The following MAST4 variants were observed in gnomAD, a reference collection of about 807,000 sequenced individuals.
MAST4 encodes the protein microtubule associated serine/threonine kinase family member 4, also known as microtubule-associated serine/threonine-protein kinase 4.
MAST4 carries 89 observed loss-of-function variants against 162.7 expected under a neutral mutation model. The observed-to-expected ratio is 0.55, with a 90% CI of 0.46 to 0.65. The LOEUF is 0.65. Ranked by LOEUF, MAST4 falls within the 30% of genes least tolerant of loss-of-function variation. The probability of loss-of-function intolerance (pLI) is 0.00; values close to 1 mark genes in which losing one functional copy is unlikely to be tolerated. For synonymous variants in MAST4, 1,479 were observed against 1,361.1 expected, an observed-to-expected ratio of 1.09 and a Z score of -1.91; for missense variants, 3,153 against 3,374.0, an observed-to-expected ratio of 0.93 and a Z score of 1.62.
chr5:66,918,094 T>C (rs1764237897), intron 4 of MAST4, among the ~76,000 whole-genome samples: 1 of 152,162 alleles, frequency 6.6e-6, no homozygotes, highest in Admixed American at 6.5e-5. Context: ...TTAAAAGTGA[T>C]TTACTTTATC....
intron 4 of MAST4, among the ~76,000 whole-genome samples, chr5:66,942,194 A>C (rs912096274): frequency 6.6e-6 from 1 of 152,152 alleles, no homozygotes; most frequent in East Asian, 1.9e-4. Flanking sequence ...TAAAAAATGC[A>C]ATTTTCTGCA....
At position 67,164,073 on chromosome 5, in the gene MAST4, G is replaced by A; in HGVS notation, c.4894G>A (p.Gly1632Ser). The change falls in exon 29 of 29, where the codon GGT becomes AGT. Residue 1632 changes from glycine (G) to serine (S), a missense_variant. Gly to Ser is a moderately conservative substitution (Grantham distance 56). Transcript: ENST00000403625. The surrounding 1 kb of genome is among the most constrained non-coding windows in gnomAD (Gnocchi z 5.3). ...CCGGGTGCCTGCGGAGCACCGCCAG[G>A]GTGGCGGGGACTTCAGACGGGCCCC... ...DGRVPAEHRQ[G>S]GGDFRRAPAP... The A allele has an allele frequency of 1.9e-6, 3 of 1,570,124 alleles. No individual in the cohort carries two copies. The highest frequency in any genetic ancestry group is 2.6e-6 in the Non-Finnish European group (3 of 1,157,130).
chr5:67,157,488 A>T (rs933923600), intron 26 of MAST4, among the ~76,000 whole-genome samples: 1 of 152,234 alleles, frequency 6.6e-6, no homozygotes, highest in African/African-American at 2.4e-5. Flanking sequence ...TATGTGTCTC[A>T]TACAATTTTA....
chr5:66,669,890 GA>G lies in MAST4; in HGVS notation c.363+72878del, dbSNP rs571623885. Among the ~76,000 whole-genome samples the G allele has an allele frequency of 7.2e-4, 110 of 152,206 alleles. 1 individual carries two copies. Among genetic ancestry groups the G allele is most frequent in the African/African-American group, 2.6e-3 (108 of 41,528 alleles). On this transcript the variant is annotated intron_variant, in intron 1 of 28. Coordinates refer to ENST00000403625, the MANE Select transcript of MAST4 (RefSeq NM_001164664.2). ...CTTGAATGAAGAATAGGTTTGCCAG[GA>G]AAAAATGGGCAAAGGCCAAGTCTGA...
chr5:66,637,135 G>A (rs1377556935), intron 1 of MAST4, among the ~76,000 whole-genome samples: 2 of 151,876 alleles, frequency 1.3e-5, no homozygotes, highest in Non-Finnish European at 2.9e-5. Context: ...CCTCACTTGA[G>A]CATTTTTCCA....
chr5:66,847,106 G>A (rs985202194), intron 3 of MAST4, among the ~76,000 whole-genome samples: 1 of 152,158 alleles, frequency 6.6e-6, no homozygotes, highest in African/African-American at 2.4e-5. Context: ...AAGAAAGCTT[G>A]TTTAGGAAGA....
At chr5:66,667,193 C>T (rs1021041011) in intron 1 of MAST4, among the ~76,000 whole-genome samples, 36 of 152,132 alleles carry the variant, frequency 2.4e-4, no homozygotes, top group Non-Finnish European at 1.5e-5. Context: ...CTGCTTTAGA[C>T]CATGAGTTAT....
intron 26 of MAST4, among the ~76,000 whole-genome samples, chr5:67,159,521 T>TATCTTCCAGGC (rs1772945141): frequency 6.6e-6 from 1 of 152,214 alleles, no homozygotes; most frequent in Non-Finnish European, 1.5e-5. Context: ...GAGCTCTAGG[T>TATCTTCCAGGC]ATCTTCCAGG....
intron 1 of MAST4, among the ~76,000 whole-genome samples, chr5:66,670,822 C>T (rs1200093817): frequency 6.6e-6 from 1 of 150,984 alleles, no homozygotes; most frequent in Non-Finnish European, 1.5e-5. Context: ...AGTTTTCAAA[C>T]AAACTAAAAA....
chr5:66,810,471 G>A (rs1483304859), intron 3 of MAST4, among the ~76,000 whole-genome samples: 1 of 152,172 alleles, frequency 6.6e-6, no homozygotes, highest in Non-Finnish European at 1.5e-5. Context: ...GCCAGATCTT[G>A]AAGAGTGGCA....
chr5:67,103,283 CCT>C (rs1561655666), intron 9 of MAST4, among the ~76,000 whole-genome samples: 1 of 151,936 alleles, frequency 6.6e-6, no homozygotes, highest in Non-Finnish European at 1.5e-5. Flanking sequence ...GGAGAAGGCC[CCT>C]CTCCACGTTT....
At chr5:66,615,121 T>G (rs1354987225) in intron 1 of MAST4, among the ~76,000 whole-genome samples, 1 of 152,156 alleles carries the variant, frequency 6.6e-6, no homozygotes, top group African/African-American at 2.4e-5. Flanking sequence ...GAAGAGAGAA[T>G]GCTGTGTGTC....
intron 4 of MAST4, among the ~76,000 whole-genome samples, chr5:66,995,287 G>T (rs1750504092): frequency 6.6e-6 from 1 of 152,150 alleles, no homozygotes; most frequent in African/African-American, 2.4e-5. Flanking sequence ...GTAAAAGTGT[G>T]TATTGTTTTC....
chr5:66,687,380 C>T (rs757315300), intron 1 of MAST4, among the ~76,000 whole-genome samples: 2 of 151,984 alleles, frequency 1.3e-5, no homozygotes, highest in Admixed American at 6.6e-5. Flanking sequence ...AGGTCTTTGA[C>T]TCCATCCATG....
At chr5:66,742,680 C>A (rs933789982) in intron 1 of MAST4, among the ~76,000 whole-genome samples, 1 of 152,134 alleles carries the variant, frequency 6.6e-6, no homozygotes, top group Non-Finnish European at 1.5e-5. Context: ...AAGGCGAAAT[C>A]TTTTCCTTTC....
intron 1 of MAST4, among the ~76,000 whole-genome samples, chr5:66,652,172 GAAGTT>G (rs1009926616): frequency 4.6e-5 from 7 of 152,124 alleles, no homozygotes; most frequent in Admixed American, 4.6e-4. Context: ...AAGGAGCAAA[GAAGTT>G]AAATTATTTG....
intron 3 of MAST4, among the ~76,000 whole-genome samples, chr5:66,824,706 G>A (rs1172629050): frequency 6.6e-6 from 1 of 152,214 alleles, no homozygotes; most frequent in African/African-American, 2.4e-5. Flanking sequence ...TCATTGTTGT[G>A]TGAACATCAT....
chr5:66,968,951 G>A (rs999697244), intron 4 of MAST4, among the ~76,000 whole-genome samples: 1 of 152,148 alleles, frequency 6.6e-6, no homozygotes, highest in African/African-American at 2.4e-5. Context: ...CTCTAAGGAG[G>A]AGTAGTAGAA....
chr5:66,825,512 C>T (rs1757207452), intron 3 of MAST4, among the ~76,000 whole-genome samples: 1 of 152,210 alleles, frequency 6.6e-6, no homozygotes, highest in South Asian at 2.1e-4. Context: ...TTGTACCAAA[C>T]ATCACCATGG....
Sources: allele counts gnomAD v4.1 joint callset (sites outside exome capture counted in the v4.1 genomes callset), GRCh38; gene constraint gnomAD v4.1.1; non-coding constraint Gnocchi (gnomAD v3.1); transcripts MANE v1.5; gene names NCBI Gene and HGNC (gene_info 2026-07-23, HGNC 2026-07-21).